The following RAPGEF6 variants were observed in gnomAD, a reference collection of about 807,000 sequenced individuals.
RAPGEF6 encodes the protein PDZ domain containing guanine nucleotide exchange factor (GEF) 2.
In RAPGEF6, 56 loss-of-function variants were observed where a neutral mutation model predicts 171.4. The ratio of observed to expected loss-of-function variants is 0.33; its 90% confidence interval spans 0.26 to 0.41. The LOEUF (loss-of-function observed/expected upper bound fraction) is 0.41. RAPGEF6 is among the 10% of genes least tolerant of loss of function. The pLI, the probability that RAPGEF6 is intolerant of heterozygous loss-of-function variation, is 1.00. For synonymous variants in RAPGEF6, 692 were observed against 650.1 expected, an observed-to-expected ratio of 1.06 and a Z score of -0.98; for missense variants, 1,674 against 1,921.4, an observed-to-expected ratio of 0.87 and a Z score of 2.41.
chr5:131,474,931 G>A (rs1284139403), intron 16 of RAPGEF6, among the ~76,000 whole-genome samples: 3 of 152,144 alleles, frequency 2.0e-5, no homozygotes, highest in Non-Finnish European at 4.4e-5. Flanking sequence ...CTTTAACAAT[G>A]TTAAAAAGTT....
At position 131,521,167 on chromosome 5, in the gene RAPGEF6, T is replaced by C. The variant is rs180673026; in HGVS notation, c.627+223A>G. 5.3e-5 allele frequency among the ~76,000 whole-genome samples: 8 copies of C among 152,314 alleles called. 1 individual carries two copies. Among genetic ancestry groups the C allele is most frequent in the Admixed American group, 5.2e-4 (8 of 15,292 alleles). On this transcript the variant is annotated intron_variant, in intron 7 of 27. Transcript: ENST00000509018. ...CACCTGGATAAATGAAAGAGAACAC[T>C]AGATTCATACTCTGCTGAACCATAC...
intron 5 of RAPGEF6, among the ~76,000 whole-genome samples, chr5:131,561,660 CAAAAAAAAAAA>C (rs35691525): frequency 6.6e-5 from 6 of 90,906 alleles, no homozygotes; most frequent in African/African-American, 2.5e-4. Context: ...AACTCTGTCT[CAAAAAAAAAAA>C]AAAAAAAAAA....
At chr5:131,571,821 C>T (rs1762308052) in intron 4 of RAPGEF6, among the ~76,000 whole-genome samples, 1 of 152,184 alleles carries the variant, frequency 6.6e-6, no homozygotes, top group African/African-American at 2.4e-5. Flanking sequence ...GAGCTGGCCA[C>T]ACCATGGTCA....
At chr5:131,530,527 G>A (rs1376559460) in intron 6 of RAPGEF6, among the ~76,000 whole-genome samples, 1 of 152,112 alleles carries the variant, frequency 6.6e-6, no homozygotes, top group African/African-American at 2.4e-5. Context: ...AAAATGAAAA[G>A]AAGTATAACA....
At position 131,616,779 on chromosome 5, in the gene RAPGEF6, T is replaced by A. The variant is rs865785100; in HGVS notation, c.70-12086A>T. 1.0e-4 allele frequency among the ~76,000 whole-genome samples: 15 copies of A among 145,684 alleles called. No individual in the cohort carries two copies. The South Asian group carries it at 1.3e-3, about 13-fold the overall frequency. ...TCTCGAGTGTGCCACCACCCCCAGC[T>A]TTTTTTTTTTCCTTTGTAGAGACAA... On this transcript the variant is annotated intron_variant, in intron 1 of 27. Coordinates refer to ENST00000509018, the MANE Select transcript of RAPGEF6 (RefSeq NM_016340.6).
chr5:131,505,551 T>C, intron 9 of RAPGEF6, 29 bp from the exon 10 acceptor site: 1 of 1,579,600 alleles, frequency 6.3e-7, no homozygotes. Context: ...GTTTTATGAA[T>C]CTTTTTAAAA....
At chr5:131,559,725 A>T (rs1761469138) in intron 5 of RAPGEF6, among the ~76,000 whole-genome samples, 1 of 152,012 alleles carries the variant, frequency 6.6e-6, no homozygotes. Context: ...CTGTAGTCCC[A>T]GCTACTTGAG....
intron 7 of RAPGEF6, among the ~76,000 whole-genome samples, chr5:131,516,025 G>C (rs1758047133): frequency 7.4e-6 from 1 of 136,028 alleles, no homozygotes; most frequent in East Asian, 2.3e-4. Context: ...AACAGATTTT[G>C]ACTAGGACTC....
intron 14 of RAPGEF6, among the ~76,000 whole-genome samples, chr5:131,491,734 G>C (rs904650063): frequency 2.6e-5 from 4 of 152,284 alleles, no homozygotes; most frequent in Middle Eastern, 6.8e-3. Context: ...AAAATTTAAT[G>C]TCTGAATGCC....
At chr5:131,451,547 C>T (rs1387659287) in intron 21 of RAPGEF6, among the ~76,000 whole-genome samples, 1 of 152,072 alleles carries the variant, frequency 6.6e-6, no homozygotes, top group African/African-American at 2.4e-5. Context: ...CAAGACACCA[C>T]CACTGCACTT....
At chr5:131,482,709 T>C (rs767199121) in intron 15 of RAPGEF6, among the ~76,000 whole-genome samples, 3 of 152,210 alleles carry the variant, frequency 2.0e-5, no homozygotes, top group Non-Finnish European at 4.4e-5. Flanking sequence ...GTTGTGGAAC[T>C]TACAGTCAGT....
At chr5:131,555,937 T>C (rs185273686) in intron 5 of RAPGEF6, among the ~76,000 whole-genome samples, 13 of 152,336 alleles carry the variant, frequency 8.5e-5, no homozygotes, top group Middle Eastern at 3.4e-3. Flanking sequence ...CTAGGCTATA[T>C]AGTATGGCCT....
chr5:131,546,289 T>C (rs1760522269), intron 6 of RAPGEF6, among the ~76,000 whole-genome samples: 1 of 152,206 alleles, frequency 6.6e-6, no homozygotes, highest in East Asian at 1.9e-4. Context: ...GCATACATTG[T>C]ACTTAGCACC....
chr5:131,490,358 T>C (rs1002963546), intron 14 of RAPGEF6, among the ~76,000 whole-genome samples: 2 of 151,658 alleles, frequency 1.3e-5, no homozygotes, highest in Non-Finnish European at 2.9e-5. Flanking sequence ...TGAAAAAATA[T>C]TAGGGAAAGA....
intron 21 of RAPGEF6, among the ~76,000 whole-genome samples, chr5:131,451,867 A>G (rs1753100646): frequency 6.6e-6 from 1 of 152,192 alleles, no homozygotes; most frequent in Admixed American, 6.5e-5. Flanking sequence ...AGCTATACAC[A>G]TAGGCCCAAA....
At chr5:131,484,120 T>C (rs555027774) in intron 15 of RAPGEF6, among the ~76,000 whole-genome samples, 139 of 144,666 alleles carry the variant, frequency 9.6e-4, no homozygotes, top group African/African-American at 3.4e-3. Flanking sequence ...AAAGACTTTA[T>C]AGAAAAGAAA....
At chr5:131,615,871 A>G (rs1765233133) in intron 1 of RAPGEF6, among the ~76,000 whole-genome samples, 1 of 151,976 alleles carries the variant, frequency 6.6e-6, no homozygotes. Flanking sequence ...ACTGTACTCC[A>G]GCCCGGGCAA....
At chr5:131,623,306 T>C (rs1765701269) in intron 1 of RAPGEF6, among the ~76,000 whole-genome samples, 2 of 152,200 alleles carry the variant, frequency 1.3e-5, no homozygotes, top group Non-Finnish European at 2.9e-5. Context: ...TCTCAAGAAC[T>C]GCCAAGTAAA....
chr5:131,436,219 C>T, intron 24 of RAPGEF6: 3 of 1,537,570 alleles, frequency 2.0e-6, no homozygotes, highest in Non-Finnish European at 2.6e-6. Flanking sequence ...GTTCTCACAA[C>T]TTGTCCTGTC....
Sources: allele counts gnomAD v4.1 joint callset (sites outside exome capture counted in the v4.1 genomes callset), GRCh38; gene constraint gnomAD v4.1.1; transcripts MANE v1.5; gene names NCBI Gene and HGNC (gene_info 2026-07-23, HGNC 2026-07-21).